The following KHDRBS2 variants were observed in gnomAD, a reference collection of about 807,000 sequenced individuals.
KHDRBS2 encodes the protein KH domain-containing, RNA-binding, signal transduction-associated protein 2.
KHDRBS2 carries 26 observed loss-of-function variants against 44.3 expected under a neutral mutation model. The observed-to-expected ratio is 0.59, with a 90% CI of 0.43 to 0.81. The LOEUF (loss-of-function observed/expected upper bound fraction) is 0.81, where lower values mean the gene tolerates loss of function less well. Ranked by LOEUF, KHDRBS2 falls within the 40% of genes least tolerant of loss-of-function variation. The pLI is 0.00. For missense variants in KHDRBS2, 476 were observed against 433.1 expected (o/e 1.10, Z -0.88); for synonymous variants, 194 against 151.1 (o/e 1.28, Z -2.08).
chr6:62,222,441 T>C (rs1172016446), intron 1 of KHDRBS2, among the ~76,000 whole-genome samples: 4 of 151,874 alleles, frequency 2.6e-5, no homozygotes, highest in Non-Finnish European at 4.4e-5. Context: ...AAATGAGAGA[T>C]GCAAAAGCAG....
At chr6:62,106,617 C>A (rs1224500747) in intron 2 of KHDRBS2, among the ~76,000 whole-genome samples, 1 of 152,110 alleles carries the variant, frequency 6.6e-6, no homozygotes, top group African/African-American at 2.4e-5. Context: ...ATGAGGCCAG[C>A]ATCATCCTGA....
chr6:61,644,401 C>T, the KHDRBS2 span, among the ~76,000 whole-genome samples: 1 of 151,962 alleles, frequency 6.6e-6, no homozygotes, highest in South Asian at 2.1e-4. Flanking sequence ...AATTGGCAAA[C>T]ATTTCATGAA....
At chr6:62,265,041 A>C (rs999867860) in intron 1 of KHDRBS2, among the ~76,000 whole-genome samples, 1 of 151,930 alleles carries the variant, frequency 6.6e-6, no homozygotes, top group Admixed American at 6.6e-5. Flanking sequence ...AGGAGTAATC[A>C]CAGGAAATTT....
the KHDRBS2 span, among the ~76,000 whole-genome samples, chr6:61,595,439 C>A: frequency 5.5e-4 from 83 of 152,234 alleles, 1 homozygote; most frequent in East Asian, 0.015. Context: ...AAGTAGAAAT[C>A]TATGTCATTT....
At chr6:62,077,056 T>C (rs1796484935) in intron 2 of KHDRBS2, among the ~76,000 whole-genome samples, 1 of 151,998 alleles carries the variant, frequency 6.6e-6, no homozygotes, top group South Asian at 2.1e-4. Context: ...TAAAAAAATA[T>C]AAAAAAATGA....
chr6:61,599,468 CA>C, the KHDRBS2 span, among the ~76,000 whole-genome samples: 1 of 151,830 alleles, frequency 6.6e-6, no homozygotes, highest in Non-Finnish European at 1.5e-5. Flanking sequence ...GTAGCCCCCC[CA>C]AAAAATTTTC....
intron 1 of KHDRBS2, among the ~76,000 whole-genome samples, chr6:62,209,770 C>T (rs1828704628): frequency 6.6e-6 from 1 of 152,162 alleles, no homozygotes; most frequent in South Asian, 2.1e-4. Flanking sequence ...ACTAGACTTG[C>T]TGAGTCTTCC....
the KHDRBS2 span, among the ~76,000 whole-genome samples, chr6:61,584,560 A>AT: frequency 2.6e-5 from 4 of 151,942 alleles, no homozygotes; most frequent in East Asian, 1.9e-4. Flanking sequence ...AACGTTTATC[A>AT]TTTTTTGTAT....
At chr6:62,103,729 G>A (rs1432021577) in intron 2 of KHDRBS2, among the ~76,000 whole-genome samples, 3 of 152,178 alleles carry the variant, frequency 2.0e-5, no homozygotes, top group Non-Finnish European at 2.9e-5. Context: ...TCCCACTACA[G>A]CTGGCGACCT....
intron 4 of KHDRBS2, among the ~76,000 whole-genome samples, chr6:61,954,380 C>T (rs376079162): frequency 1.8e-3 from 67 of 36,222 alleles, no homozygotes; most frequent in Admixed American, 7.6e-3. Context: ...CGTATGTATG[C>T]ATGCATACAT....
intron 4 of KHDRBS2, among the ~76,000 whole-genome samples, chr6:61,950,947 C>T (rs1452277849): frequency 6.6e-6 from 1 of 151,962 alleles, no homozygotes; most frequent in Non-Finnish European, 1.5e-5. Context: ...TAACAAATAT[C>T]TCAGGCATAC....
At chr6:62,236,610 C>T (rs1833752978) in intron 1 of KHDRBS2, among the ~76,000 whole-genome samples, 1 of 151,982 alleles carries the variant, frequency 6.6e-6, no homozygotes, top group South Asian at 2.1e-4. Flanking sequence ...CTAGCCTTAT[C>T]ACATTAGCTT....
intron 7 of KHDRBS2, among the ~76,000 whole-genome samples, chr6:61,711,225 C>T (rs1199426430): frequency 6.6e-6 from 1 of 151,674 alleles, no homozygotes; most frequent in African/African-American, 2.4e-5. Context: ...TCTTATGGAA[C>T]TTTAACTACC....
At chr6:62,146,699 C>CA (rs1814017742) in intron 2 of KHDRBS2, among the ~76,000 whole-genome samples, 1 of 151,548 alleles carries the variant, frequency 6.6e-6, no homozygotes, top group South Asian at 2.1e-4. Flanking sequence ...ATTTATGTGC[C>CA]AAAATGTGTA....
intron 6 of KHDRBS2, among the ~76,000 whole-genome samples, chr6:61,762,153 T>C (rs1398325059): frequency 6.6e-6 from 1 of 152,140 alleles, no homozygotes; most frequent in Non-Finnish European, 1.5e-5. Context: ...CAGTATTCTA[T>C]GAGAATAAAA....
chr6:61,615,003 G>GT, the KHDRBS2 span, among the ~76,000 whole-genome samples: 1 of 152,002 alleles, frequency 6.6e-6, no homozygotes, highest in Admixed American at 6.6e-5. Flanking sequence ...GGAGACTGAG[G>GT]TGGGTGGATC....
At position 61,849,735 on chromosome 6, in the gene KHDRBS2, G is replaced by A. The variant is rs543480097; in HGVS notation, c.810+44900C>T. Among the ~76,000 whole-genome samples the A allele has an allele frequency of 8.6e-5, 13 of 151,578 alleles. No homozygotes were observed. The East Asian group carries it at 2.3e-3, about 27-fold the overall frequency. On this transcript the variant is annotated intron_variant, in intron 6 of 8. Coordinates refer to ENST00000281156, the MANE Select transcript of KHDRBS2 (RefSeq NM_152688.4). ...AATATGAATCATAGACCATGATTAA[G>A]CCTCTTTCGAATTTTATAGCAGCTA...
chr6:62,099,894 C>G (rs1438918624), intron 2 of KHDRBS2, among the ~76,000 whole-genome samples: 3 of 152,206 alleles, frequency 2.0e-5, no homozygotes, highest in Non-Finnish European at 4.4e-5. Context: ...ATACATTCTA[C>G]AGTTCATGGA....
chr6:61,822,116 G>A (rs1790011020), intron 6 of KHDRBS2, among the ~76,000 whole-genome samples: 1 of 151,978 alleles, frequency 6.6e-6, no homozygotes, highest in Non-Finnish European at 1.5e-5. Flanking sequence ...CCAGGTGTAT[G>A]GTTCCAAACC....
Sources: allele counts gnomAD v4.1 joint callset (sites outside exome capture counted in the v4.1 genomes callset), GRCh38; gene constraint gnomAD v4.1.1; transcripts MANE v1.5; gene names NCBI Gene and HGNC (gene_info 2026-07-23, HGNC 2026-07-21).